The following TBXAS1 variants were observed in gnomAD, a reference collection of about 807,000 sequenced individuals.
TBXAS1 encodes thromboxane A synthase 1.
In TBXAS1, 48 loss-of-function variants were observed where a neutral mutation model predicts 60.7. The ratio of observed to expected loss-of-function variants is 0.79; its 90% CI spans 0.63 to 1.01. The LOEUF is 1.01. Ranked by LOEUF, TBXAS1 falls within the 50% of genes least tolerant of loss-of-function variation. The probability of loss-of-function intolerance (pLI) is 0.00; values close to 1 mark genes in which losing one functional copy is unlikely to be tolerated. For missense variants in TBXAS1, 685 were observed against 686.3 expected (o/e 1.00, Z 0.02); for synonymous variants, 287 against 269.7 (o/e 1.06, Z -0.63).
chr7:139,860,137 AAACAACAAC>A (rs943521604), intron 1 of TBXAS1, among the ~76,000 whole-genome samples: 1 of 152,154 alleles, frequency 6.6e-6, no homozygotes, highest in African/African-American at 2.4e-5. Flanking sequence ...TCTGTCTCAA[AAACAACAAC>A]AACAAAACTA....
intron 3 of TBXAS1, among the ~76,000 whole-genome samples, chr7:139,888,208 C>G (rs763280237): frequency 1.1e-4 from 16 of 152,214 alleles, no homozygotes; most frequent in Non-Finnish European, 1.9e-4. Context: ...TCCTTCTCCT[C>G]TTATCTCACT....
At position 139,984,895 on chromosome 7, in the gene TBXAS1, C is replaced by CAAAGAAAGAAAGG. The variant is rs1328256395; in HGVS notation, c.1135-22183_1135-22171dup. Among the ~76,000 whole-genome samples the CAAAGAAAGAAAGG allele has an allele frequency of 3.5e-4, 35 of 100,304 alleles. No homozygotes were observed. The South Asian group carries it at 0.011, about 31-fold the overall frequency. 65.8% of individuals were successfully genotyped at this position (100,304 alleles called of 152,430 possible). On this transcript the variant is annotated intron_variant, in intron 9 of 12. Transcript: ENST00000448866. ...GAAAGAAAGAAAAGAAAGAAAGCAG[C>CAAAGAAAGAAAGG]AAAGAAAGAAAGGAAAGAAAGAAAG...
chr7:139,846,993 A>G (rs911034533), intron 1 of TBXAS1, among the ~76,000 whole-genome samples: 5 of 152,178 alleles, frequency 3.3e-5, no homozygotes, highest in African/African-American at 9.7e-5. Context: ...AAGCGGAGAT[A>G]GTCATTCTCT....
At chr7:139,924,947 G>T (rs927604834) in intron 4 of TBXAS1, among the ~76,000 whole-genome samples, 1 of 152,070 alleles carries the variant, frequency 6.6e-6, no homozygotes, top group South Asian at 2.1e-4. Flanking sequence ...TGGCACCTTT[G>T]TGAAAATGAG....
intron 2 of TBXAS1, among the ~76,000 whole-genome samples, chr7:139,782,113 C>T (rs1797019321): frequency 6.6e-6 from 1 of 151,514 alleles, no homozygotes; most frequent in African/African-American, 2.4e-5. Flanking sequence ...TCCCATTTGG[C>T]TAGAGATAGT....
At chr7:139,939,112 C>A (rs1808056038) in intron 5 of TBXAS1, among the ~76,000 whole-genome samples, 1 of 152,216 alleles carries the variant, frequency 6.6e-6, no homozygotes, top group Non-Finnish European at 1.5e-5. Flanking sequence ...CGCCTGTAAT[C>A]CCAGCACTTT....
intron 3 of TBXAS1, among the ~76,000 whole-genome samples, chr7:139,903,942 A>G (rs1307192314): frequency 3.3e-5 from 5 of 152,020 alleles, no homozygotes; most frequent in Non-Finnish European, 7.4e-5. Flanking sequence ...ACCGTACAAA[A>G]GCTCTTTACT....
intron 9 of TBXAS1, among the ~76,000 whole-genome samples, chr7:139,969,457 C>CAAAAAA (rs71170928): frequency 3.8e-4 from 38 of 101,004 alleles, no homozygotes; most frequent in African/African-American, 7.8e-4. Context: ...TATGTGCTTA[C>CAAAAAA]AAAAAAAAAA....
At chr7:140,003,896 C>T (rs1172292739) in intron 9 of TBXAS1, among the ~76,000 whole-genome samples, 1 of 152,184 alleles carries the variant, frequency 6.6e-6, no homozygotes, top group Non-Finnish European at 1.5e-5. Flanking sequence ...AAGATGCCAC[C>T]CACAGGGTTA....
chr7:139,811,096 C>T (rs945248396), intron 4 of TBXAS1, among the ~76,000 whole-genome samples: 2 of 152,166 alleles, frequency 1.3e-5, no homozygotes, highest in Admixed American at 6.5e-5. Context: ...AATTCAAATT[C>T]GAGGAAGTAG....
intron 9 of TBXAS1, among the ~76,000 whole-genome samples, chr7:139,995,353 C>G (rs1285393126): frequency 6.6e-6 from 1 of 152,156 alleles, no homozygotes; most frequent in Non-Finnish European, 1.5e-5. Flanking sequence ...ACAAGATGCA[C>G]ACGAAGATGA....
intron 9 of TBXAS1, among the ~76,000 whole-genome samples, chr7:139,964,059 C>T (rs562425491): frequency 8.5e-5 from 13 of 152,244 alleles, no homozygotes; most frequent in Middle Eastern, 3.4e-3. Context: ...GTCACTCTGA[C>T]GGGAATGCTT....
intron 4 of TBXAS1, among the ~76,000 whole-genome samples, chr7:139,923,656 G>A (rs926206472): frequency 7.4e-4 from 112 of 151,838 alleles, no homozygotes; most frequent in Non-Finnish European, 1.1e-3. Context: ...TTTTTGCCCT[G>A]TCTTATGGTG....
chr7:139,936,082 TG>T, intron 4 of TBXAS1, 108 bp from the exon 5 acceptor site: 1 of 949,400 alleles, frequency 1.1e-6, no homozygotes, highest in Non-Finnish European at 1.7e-6. Context: ...CCTCCTAACT[TG>T]TTGGCCACTG....
rs142444773 is a variant in TBXAS1, at chr7:140,014,867, T to C, written c.1227-856T>C. On this transcript the variant is annotated intron_variant, in intron 10 of 12. Coordinates refer to ENST00000448866, the MANE Select transcript of TBXAS1 (RefSeq NM_001061.7). ...AGGCAGAGGTTGCAGTGAGCAGAGA[T>C]TGTGCCACTCCAGCCTGGGTGACAG... is the stretch of plus-strand genomic sequence containing the variant. Among the ~76,000 whole-genome samples, 1,064 of 144,782 alleles carry C rather than the reference T, an allele frequency of 7.3e-3. 20 individuals are homozygous for C. Among genetic ancestry groups the C allele is most frequent in the African/African-American group, 0.025 (969 of 38,088 alleles). 95.0% of individuals were successfully genotyped at this position (144,782 alleles called of 152,430 possible). A position where few individuals can be genotyped will look rare whatever the true frequency, so the allele number is the denominator to read the frequency against.
chr7:139,957,469 G>A, intron 7 of TBXAS1, 165 bp from the exon 8 acceptor site: 1 of 818,166 alleles, frequency 1.2e-6, no homozygotes, highest in Non-Finnish European at 2.0e-6. Context: ...CCGAGAGGGA[G>A]TGAGACATCA....
At chr7:139,817,041 C>G (rs1798165898) in intron 4 of TBXAS1, among the ~76,000 whole-genome samples, 1 of 152,168 alleles carries the variant, frequency 6.6e-6, no homozygotes, top group Non-Finnish European at 1.5e-5. Flanking sequence ...TCCCTCCTCT[C>G]CTTGTCCTTC....
In TBXAS1 at chr7:139,896,998, C is replaced by T. The variant is rs1253396963; in HGVS notation, c.237-14227C>T. ...ACTGGGAGCTCCTCAGTGGTCCAGGCGAGAGAGACAGGGCCTGAAGCCAGT... is the reference window on the plus strand; with the variant it reads ...ACTGGGAGCTCCTCAGTGGTCCAGGTGAGAGAGACAGGGCCTGAAGCCAGT... On this transcript the variant is annotated intron_variant, in intron 3 of 12. Coordinates refer to ENST00000448866, the MANE Select transcript of TBXAS1 (RefSeq NM_001061.7). The surrounding 1 kb of genome is among the most constrained non-coding windows in gnomAD (Gnocchi z 4.0). 2.0e-5 allele frequency among the ~76,000 whole-genome samples: 3 copies of T among 152,038 alleles called. No individual in the cohort carries two copies. The highest frequency in any genetic ancestry group is 4.8e-5 in the African/African-American group (2 of 41,378).
rs752344771 is a variant in TBXAS1, at chr7:140,015,807, C to T, written c.1311C>T (p.Ala437=). 44 of 1,613,648 alleles carry T rather than the reference C, an allele frequency of 2.7e-5. No homozygotes were observed. Among genetic ancestry groups the T allele is most frequent in the Non-Finnish European group, 3.6e-5 (43 of 1,180,018 alleles). The change falls in exon 11 of 13, where the codon GCC becomes GCT. Residue 437 remains alanine, a synonymous_variant. Coordinates refer to ENST00000448866, the MANE Select transcript of TBXAS1 (RefSeq NM_001061.7). Reference sequence around the variant, plus strand: ...CTGTGCTAGAGATGGCCGTGGGTGCCCTGCACCATGACCCTGAGCACTGGC... The same window carrying T: ...CTGTGCTAGAGATGGCCGTGGGTGCTCTGCACCATGACCCTGAGCACTGGC... ...AGAVLEMAVG[A]LHHDPEHWPS...
Sources: allele counts gnomAD v4.1 joint callset (sites outside exome capture counted in the v4.1 genomes callset), GRCh38; gene constraint gnomAD v4.1.1; non-coding constraint Gnocchi (gnomAD v3.1); transcripts MANE v1.5; gene names NCBI Gene and HGNC (gene_info 2026-07-23, HGNC 2026-07-21).